WDR70: variants seen among roughly 807,000 people sequenced by gnomAD.
WDR70 encodes the protein WD repeat-containing protein 70.
In WDR70, 53 loss-of-function variants were observed where a neutral mutation model predicts 88.6. The ratio of observed to expected loss-of-function variants is 0.60; its 90% CI spans 0.48 to 0.75. WDR70 has a LOEUF of 0.75. WDR70 is among the 30% of genes least tolerant of loss of function. The pLI is 0.00. For missense variants in WDR70, 610 were observed against 823.2 expected (o/e 0.74, Z 3.17); for synonymous variants, 280 against 270.0 (o/e 1.04, Z -0.36).
chr5:37,427,040 T>G (rs534490918), intron 5 of WDR70, among the ~76,000 whole-genome samples: 1 of 152,246 alleles, frequency 6.6e-6, no homozygotes, highest in African/African-American at 2.4e-5. Context: ...TCTCTGAAAG[T>G]TTTAGAATTA....
chr5:37,409,627 C>T (rs1481401463), intron 5 of WDR70, among the ~76,000 whole-genome samples: 2 of 151,806 alleles, frequency 1.3e-5, no homozygotes, highest in East Asian at 3.9e-4. Flanking sequence ...GCCTCAGCTT[C>T]CCGAGTAACT....
At chr5:37,481,929 T>C (rs1739681862) in intron 8 of WDR70, among the ~76,000 whole-genome samples, 1 of 152,164 alleles carries the variant, frequency 6.6e-6, no homozygotes, top group Non-Finnish European at 1.5e-5. Context: ...AAAAAAATTC[T>C]TATTTCACTC....
At chr5:37,399,913 G>T (rs1195701671) in intron 5 of WDR70, among the ~76,000 whole-genome samples, 3 of 151,882 alleles carry the variant, frequency 2.0e-5, no homozygotes, top group African/African-American at 4.8e-5. Context: ...GAATACAGTG[G>T]TTATTTATTT....
intron 9 of WDR70, among the ~76,000 whole-genome samples, chr5:37,583,885 A>C (rs1410501388): frequency 1.3e-5 from 2 of 152,174 alleles, no homozygotes; most frequent in Non-Finnish European, 2.9e-5. Context: ...TAGATATGGA[A>C]AATTTGCAGT....
intron 10 of WDR70, among the ~76,000 whole-genome samples, chr5:37,696,428 G>C (rs958589408): frequency 9.9e-5 from 15 of 152,112 alleles, no homozygotes; most frequent in Non-Finnish European, 1.3e-4. Context: ...GATATTATTT[G>C]GAGGGCAAAG....
intron 7 of WDR70, among the ~76,000 whole-genome samples, chr5:37,478,312 T>G (rs766391171): frequency 1.5e-4 from 23 of 152,226 alleles, no homozygotes; most frequent in Non-Finnish European, 3.1e-4. Context: ...AACAAAAGTT[T>G]CAGCAATTGT....
chr5:37,572,762 T>G (rs1742945405), intron 9 of WDR70, among the ~76,000 whole-genome samples: 1 of 152,222 alleles, frequency 6.6e-6, no homozygotes, highest in Non-Finnish European at 1.5e-5. Context: ...CAACAGATCT[T>G]TCACTTGTTT....
intron 9 of WDR70, among the ~76,000 whole-genome samples, chr5:37,549,496 C>G (rs1163540744): frequency 1.3e-5 from 2 of 152,026 alleles, no homozygotes; most frequent in Admixed American, 6.5e-5. Flanking sequence ...TATTCTGTAA[C>G]TTTACTGAAG....
intron 17 of WDR70, among the ~76,000 whole-genome samples, chr5:37,745,255 C>G (rs990536350): frequency 6.6e-6 from 1 of 151,840 alleles, no homozygotes; most frequent in African/African-American, 2.4e-5. Context: ...GAGGCCTGCA[C>G]TGCAAGAGCT....
intron 5 of WDR70, among the ~76,000 whole-genome samples, chr5:37,408,671 C>G (rs1454840134): frequency 6.6e-6 from 1 of 152,054 alleles, no homozygotes; most frequent in Non-Finnish European, 1.5e-5. Flanking sequence ...TATCTATATT[C>G]AATATTTGTT....
At chr5:37,611,967 G>A (rs965399702) in intron 10 of WDR70, among the ~76,000 whole-genome samples, 1 of 152,026 alleles carries the variant, frequency 6.6e-6, no homozygotes, top group Non-Finnish European at 1.5e-5. Flanking sequence ...GACTGTGCTT[G>A]CAGCCCAGAC....
At chr5:37,721,967 A>G (rs1747828620) in intron 14 of WDR70, 1 of 152,136 alleles carries the variant, frequency 6.6e-6, no homozygotes, top group African/African-American at 2.4e-5. Flanking sequence ...AAGGTCCCAC[A>G]TCCTTTGAGG....
chr5:37,682,278 C>T (rs1024075399), intron 10 of WDR70, among the ~76,000 whole-genome samples: 10 of 151,966 alleles, frequency 6.6e-5, no homozygotes, highest in African/African-American at 2.4e-4. Context: ...GATAATAACC[C>T]CTTTGTTGTT....
intron 11 of WDR70, 35 bp from the exon 12 acceptor site, chr5:37,701,023 T>G: frequency 7.2e-7 from 1 of 1,381,310 alleles, no homozygotes; most frequent in Non-Finnish European, 1.0e-6. Context: ...ACAATTCACT[T>G]TTCTGTCTTT....
At chr5:37,673,746 C>A (rs983969238) in intron 10 of WDR70, among the ~76,000 whole-genome samples, 1 of 152,026 alleles carries the variant, frequency 6.6e-6, no homozygotes, top group Non-Finnish European at 1.5e-5. Context: ...ATTAGCTATT[C>A]TTCCCGATTC....
intron 10 of WDR70, among the ~76,000 whole-genome samples, chr5:37,665,255 T>C (rs1745803258): frequency 6.6e-6 from 1 of 152,210 alleles, no homozygotes; most frequent in Non-Finnish European, 1.5e-5. Flanking sequence ...TCTCATCACT[T>C]TGTCTCCTAC....
intron 8 of WDR70, among the ~76,000 whole-genome samples, chr5:37,484,400 T>A (rs367559437): frequency 1.3e-5 from 2 of 152,104 alleles, no homozygotes; most frequent in Non-Finnish European, 2.9e-5. Context: ...CAAAAAAATA[T>A]GAAAACCAGT....
At chr5:37,414,295 C>T (rs1047494072) in intron 5 of WDR70, among the ~76,000 whole-genome samples, 14 of 152,160 alleles carry the variant, frequency 9.2e-5, no homozygotes, top group African/African-American at 3.4e-4. Context: ...CTTGCTCACT[C>T]CTCTCTAGCC....
At chr5:37,694,035 G>C (rs1001286253) in intron 10 of WDR70, among the ~76,000 whole-genome samples, 3 of 150,968 alleles carry the variant, frequency 2.0e-5, no homozygotes, top group Non-Finnish European at 1.5e-5. Context: ...CAAAAGAGCA[G>C]TGGATATGAA....
Sources: allele counts gnomAD v4.1 joint callset (sites outside exome capture counted in the v4.1 genomes callset), GRCh38; gene constraint gnomAD v4.1.1; transcripts MANE v1.5; gene names NCBI Gene and HGNC (gene_info 2026-07-23, HGNC 2026-07-21).